The following HDAC9 variants were observed in gnomAD, a reference collection of about 807,000 sequenced individuals.
HDAC9 encodes the protein histone deacetylase 9, also known as MEF-2 interacting transcription repressor (MITR) protein.
HDAC9 carries 41 observed loss-of-function variants against 139.4 expected under a neutral mutation model. The observed-to-expected ratio is 0.29, with a 90% CI of 0.23 to 0.38. HDAC9 has a LOEUF of 0.38. Ranked by LOEUF, HDAC9 falls within the 10% of genes least tolerant of loss-of-function variation. The probability of loss-of-function intolerance (pLI) is 1.00; values close to 1 mark genes in which losing one functional copy is unlikely to be tolerated. For missense variants in HDAC9, 1,147 were observed against 1,297.0 expected (o/e 0.88, Z 1.78); for synonymous variants, 517 against 476.2 (o/e 1.09, Z -1.12).
intron 22 of HDAC9, among the ~76,000 whole-genome samples, chr7:18,887,766 ATATT>A (rs1403367345): frequency 2.6e-5 from 4 of 152,196 alleles, no homozygotes; most frequent in African/African-American, 4.8e-5. Context: ...AACATTTGAA[ATATT>A]TAGTTATTTT....
intron 1 of HDAC9, among the ~76,000 whole-genome samples, chr7:18,444,860 A>G (rs1424803456): frequency 6.6e-6 from 1 of 152,202 alleles, no homozygotes; most frequent in Non-Finnish European, 1.5e-5. Context: ...ATTACCATCA[A>G]GCTATTTATA....
chr7:18,911,694 T>G (rs1467690788), intron 22 of HDAC9, among the ~76,000 whole-genome samples: 1 of 151,940 alleles, frequency 6.6e-6, no homozygotes, highest in Non-Finnish European at 1.5e-5. Flanking sequence ...GTGAGTTGTT[T>G]TTCTATTTTC....
intron 2 of HDAC9, among the ~76,000 whole-genome samples, chr7:18,504,017 A>G (rs1401574372): frequency 2.0e-5 from 3 of 152,236 alleles, no homozygotes; most frequent in Non-Finnish European, 4.4e-5. Flanking sequence ...ATGACATCAT[A>G]GCTTGGGAGT....
At chr7:18,744,310 G>C (rs1489225385) in intron 13 of HDAC9, among the ~76,000 whole-genome samples, 2 of 152,080 alleles carry the variant, frequency 1.3e-5, no homozygotes, top group Non-Finnish European at 2.9e-5. Flanking sequence ...TAGATTTTAA[G>C]TTAAATGTGG....
At chr7:18,242,237 G>A (rs1794236950) in intron 2 of HDAC9, among the ~76,000 whole-genome samples, 1 of 152,200 alleles carries the variant, frequency 6.6e-6, no homozygotes, top group East Asian at 1.9e-4. Flanking sequence ...CCTTGTATAT[G>A]TAAGGCATTT....
chr7:18,656,895 T>A (rs2129051546), intron 11 of HDAC9, among the ~76,000 whole-genome samples: 2 of 152,234 alleles, frequency 1.3e-5, no homozygotes, highest in African/African-American at 4.8e-5. Flanking sequence ...TAATTTACAT[T>A]CCCACCAACA....
At chr7:18,627,914 C>A (rs994427097) in intron 6 of HDAC9, among the ~76,000 whole-genome samples, 1 of 151,674 alleles carries the variant, frequency 6.6e-6, no homozygotes, top group Admixed American at 6.6e-5. Context: ...CCTATTTCAC[C>A]AAGCCAATTC....
chr7:18,606,374 G>A lies in HDAC9; in HGVS notation c.664+12345G>A, dbSNP rs1272710051. On this transcript the variant is annotated intron_variant, in intron 6 of 25. Coordinates refer to ENST00000686413, the MANE Select transcript of HDAC9 (RefSeq NM_178425.4). ...AAAACTCAACTTTTTCATTTTTTGA[G>A]GTGACAAATTCATATTTGAGCAATA... is the stretch of plus-strand genomic sequence containing the variant. 9.2e-5 allele frequency among the ~76,000 whole-genome samples: 14 copies of A among 151,938 alleles called. 1 individual carries two copies. Among genetic ancestry groups the A allele is most frequent in the Admixed American group, 7.9e-4 (12 of 15,252 alleles).
chr7:18,690,319 C>G (rs762084957), intron 12 of HDAC9, among the ~76,000 whole-genome samples: 1 of 151,924 alleles, frequency 6.6e-6, no homozygotes, highest in Non-Finnish European at 1.5e-5. Context: ...AAATTATATC[C>G]CATAACTGTT....
chr7:18,269,554 G>A (rs1257515291), intron 2 of HDAC9, among the ~76,000 whole-genome samples: 4 of 152,040 alleles, frequency 2.6e-5, no homozygotes, highest in African/African-American at 9.7e-5. Context: ...AAGTCATTGT[G>A]TTCGAAATAT....
intron 1 of HDAC9, among the ~76,000 whole-genome samples, chr7:18,468,385 C>T (rs1794467195): frequency 6.6e-6 from 1 of 151,944 alleles, no homozygotes; most frequent in Non-Finnish European, 1.5e-5. Flanking sequence ...TTCAATACTA[C>T]TTTATTTTGT....
intron 21 of HDAC9, among the ~76,000 whole-genome samples, chr7:18,837,336 T>TA (rs1370392276): frequency 6.6e-6 from 1 of 151,984 alleles, no homozygotes; most frequent in African/African-American, 2.4e-5. Context: ...AAAATTATGT[T>TA]AAAAAACAGA....
intron 1 of HDAC9, among the ~76,000 whole-genome samples, chr7:18,477,624 A>G (rs1795215638): frequency 6.6e-6 from 1 of 152,214 alleles, no homozygotes; most frequent in African/African-American, 2.4e-5. Flanking sequence ...CATTTCCAGC[A>G]TTCATGAGCC....
intron 2 of HDAC9, among the ~76,000 whole-genome samples, chr7:18,571,289 A>T (rs951140712): frequency 6.6e-6 from 1 of 152,264 alleles, no homozygotes; most frequent in African/African-American, 2.4e-5. Flanking sequence ...TTGAAAAAAC[A>T]GTAATGTAAT....
Position 18,756,460 on chromosome 7 carries a change from C to T in HDAC9, c.2044-5697C>T, listed in dbSNP as rs142657974. Among the ~76,000 whole-genome samples the T allele has an allele frequency of 2.7e-3, 405 of 152,336 alleles. 1 individual carries two copies. Among genetic ancestry groups the T allele is most frequent in the African/African-American group, 9.0e-3 (374 of 41,588 alleles). ...AAACAAGCATCATGGAATAGCTGGACTCCTTTTGAAAATCCTTATTCAGGT... is the reference window on the plus strand; with the variant it reads ...AAACAAGCATCATGGAATAGCTGGATTCCTTTTGAAAATCCTTATTCAGGT... On this transcript the variant is annotated intron_variant, in intron 14 of 25. Coordinates refer to ENST00000686413, the MANE Select transcript of HDAC9 (RefSeq NM_178425.4).
intron 12 of HDAC9, among the ~76,000 whole-genome samples, chr7:18,707,461 A>T (rs1161835881): frequency 6.6e-6 from 1 of 152,158 alleles, no homozygotes; most frequent in Non-Finnish European, 1.5e-5. Context: ...CAGTCTAATA[A>T]AAAGGTATGA....
intron 21 of HDAC9, among the ~76,000 whole-genome samples, chr7:18,863,768 T>C (rs1291931235): frequency 6.6e-6 from 1 of 151,618 alleles, no homozygotes; most frequent in Admixed American, 6.6e-5. Flanking sequence ...AGAGGTGGGG[T>C]AGGCGTGGGA....
chr7:18,864,151 T>C (rs1473008200), intron 21 of HDAC9, among the ~76,000 whole-genome samples: 1 of 152,188 alleles, frequency 6.6e-6, no homozygotes, highest in Non-Finnish European at 1.5e-5. Flanking sequence ...GATGGATGAA[T>C]GGATAAAGAA....
intron 2 of HDAC9, among the ~76,000 whole-genome samples, chr7:18,212,811 C>T (rs1335139196): frequency 6.6e-6 from 1 of 152,162 alleles, no homozygotes; most frequent in Non-Finnish European, 1.5e-5. Context: ...GTCACATAAA[C>T]CTTTTCCTAA....
Sources: gnomAD v4.1 joint callset for allele counts (sites outside exome capture counted in the v4.1 genomes callset) on GRCh38, gnomAD v4.1.1 for gene constraint, MANE v1.5 for transcripts, NCBI Gene and HGNC (gene_info 2026-07-23, HGNC 2026-07-21) for gene names.